PDS5B: variants seen among roughly 807,000 people sequenced by gnomAD.
PDS5B encodes PDS5 cohesin associated factor B, also known as sister chromatid cohesion protein PDS5 homolog B.
Under a neutral mutation model 184.1 loss-of-function variants are expected in PDS5B, and 51 were observed. The observed-to-expected ratio is 0.28, with a 90% CI of 0.22 to 0.35. The LOEUF is 0.35. PDS5B is among the 10% of genes least tolerant of loss of function. The probability of loss-of-function intolerance (pLI) is 1.00; values close to 1 mark genes in which losing one functional copy is unlikely to be tolerated. For synonymous variants in PDS5B, 566 were observed against 569.2 expected, an observed-to-expected ratio of 0.99 and a Z score of 0.08; for missense variants, 1,180 against 1,723.3, an observed-to-expected ratio of 0.68 and a Z score of 5.58.
chr13:32,741,191 A>T (rs373938579), intron 22 of PDS5B, 43 bp downstream of exon 22: 2 of 1,001,240 alleles, frequency 2.0e-6, no homozygotes, highest in African/African-American at 3.3e-5. Context: ...TATAATCACC[A>T]CATTGTAATA....
chr13:32,765,467 C>CT (rs1954554229), intron 31 of PDS5B, among the ~76,000 whole-genome samples: 2 of 152,224 alleles, frequency 1.3e-5, no homozygotes, highest in African/African-American at 4.8e-5. Flanking sequence ...ATTACTTTTA[C>CT]TTTCTCTAAA....
At chr13:32,753,103 G>C (rs1466470418) in intron 24 of PDS5B, among the ~76,000 whole-genome samples, 1 of 152,102 alleles carries the variant, frequency 6.6e-6, no homozygotes, top group Admixed American at 6.6e-5. Context: ...TGTTTTAAAA[G>C]TATGTTTGTT....
At position 32,644,983 on chromosome 13, in the gene PDS5B, G is replaced by A. The variant is rs563321816; in HGVS notation, c.-19-3771G>A. ...GCATTTATGATTAAGATTTGTCTGTGATTTATTTTCTCTGATTGTTCTTTT... is the reference window on the plus strand; with the variant it reads ...GCATTTATGATTAAGATTTGTCTGTAATTTATTTTCTCTGATTGTTCTTTT... On this transcript the variant is annotated intron_variant, in intron 1 of 34. Coordinates refer to ENST00000315596, the MANE Select transcript of PDS5B (RefSeq NM_015032.4). Among the ~76,000 whole-genome samples the A allele has an allele frequency of 3.2e-4, 48 of 152,166 alleles. 2 individuals are homozygous for A. In the South Asian group the frequency reaches 9.5e-3, roughly 30 times the overall value.
At chr13:32,665,627 C>G (rs1008011173) in intron 6 of PDS5B, among the ~76,000 whole-genome samples, 3 of 118,618 alleles carry the variant, frequency 2.5e-5, no homozygotes, top group Non-Finnish European at 5.5e-5. Flanking sequence ...AAATAAACAT[C>G]TTTACAACCT....
At chr13:32,743,956 A>G (rs1037087513) in intron 23 of PDS5B, among the ~76,000 whole-genome samples, 1 of 152,100 alleles carries the variant, frequency 6.6e-6, no homozygotes, top group African/African-American at 2.4e-5. Context: ...GTGTTAATAC[A>G]TTTGGCCTTA....
At chr13:32,716,104 T>G in intron 19 of PDS5B, among the ~76,000 whole-genome samples, 1 of 151,180 alleles carries the variant, frequency 6.6e-6, no homozygotes, top group African/African-American at 2.4e-5. Flanking sequence ...GTGAGGAGCG[T>G]CTCTGCCTGG....
chr13:32,592,412 C>T (rs531707348), intron 1 of PDS5B, among the ~76,000 whole-genome samples: 3 of 152,158 alleles, frequency 2.0e-5, no homozygotes, highest in South Asian at 2.1e-4. Context: ...CACGCCACCA[C>T]GTCTGGCTAA....
In PDS5B at chr13:32,776,555, A is replaced by T. The variant is rs1846648624; in HGVS notation, c.*1503A>T. On this transcript the variant is annotated 3_prime_UTR_variant, in exon 35 of 35. Coordinates refer to ENST00000315596, the MANE Select transcript of PDS5B (RefSeq NM_015032.4). Reference sequence around the variant, plus strand: ...CTTAATGCTTACCTAATTTCATTTTAGTATTTTAGGTGCTGTTATGTTTTT... The same window carrying T: ...CTTAATGCTTACCTAATTTCATTTTTGTATTTTAGGTGCTGTTATGTTTTT... The T allele has an allele frequency of 6.6e-6, 1 of 152,048 alleles. No individual in the cohort carries two copies. The highest frequency in any genetic ancestry group is 2.1e-4 in the South Asian group (1 of 4,834). The allele number at this position is 152,048 out of a possible 1,614,324, so 9.4% of individuals were successfully genotyped here.
intron 1 of PDS5B, among the ~76,000 whole-genome samples, chr13:32,590,548 AG>A (rs1192578437): frequency 6.6e-6 from 1 of 152,156 alleles, no homozygotes; most frequent in Non-Finnish European, 1.5e-5. Context: ...AAATTAGCCA[AG>A]ATTAGATCCC....
intron 30 of PDS5B, 114 bp downstream of exon 30, chr13:32,760,834 C>T (rs577217876): frequency 4.5e-5 from 45 of 1,005,748 alleles, no homozygotes; most frequent in Non-Finnish European, 6.0e-5. Context: ...TAATGTATTA[C>T]TTAATTTTTC....
intron 3 of PDS5B, among the ~76,000 whole-genome samples, chr13:32,653,830 A>G: frequency 6.6e-6 from 1 of 152,194 alleles, no homozygotes; most frequent in East Asian, 1.9e-4. Flanking sequence ...CCCGTACTAG[A>G]TGTCTTGTTG....
chr13:32,680,905 C>G (rs1270522051), intron 10 of PDS5B, among the ~76,000 whole-genome samples: 3 of 151,872 alleles, frequency 2.0e-5, no homozygotes, highest in Non-Finnish European at 4.4e-5. Flanking sequence ...AAAACCAGAC[C>G]CCTGCTTTTT....
intron 1 of PDS5B, among the ~76,000 whole-genome samples, chr13:32,600,030 C>T (rs575740990): frequency 1.3e-5 from 2 of 152,196 alleles, no homozygotes; most frequent in African/African-American, 2.4e-5. Flanking sequence ...ATTTTTTTCT[C>T]TGTTTTTCAG....
chr13:32,686,305 A>C (rs1470866058), intron 11 of PDS5B, among the ~76,000 whole-genome samples: 4 of 152,258 alleles, frequency 2.6e-5, no homozygotes, highest in African/African-American at 9.6e-5. Context: ...CCAGATGTAC[A>C]GAATGGACCA....
chr13:32,723,674 A>G (rs1014654473), intron 19 of PDS5B, among the ~76,000 whole-genome samples: 1 of 152,224 alleles, frequency 6.6e-6, no homozygotes, highest in African/African-American at 2.4e-5. Flanking sequence ...TAGTGTGAAC[A>G]ATAATTTTTC....
At chr13:32,588,005 A>G (rs1478904908) in intron 1 of PDS5B, among the ~76,000 whole-genome samples, 1 of 152,180 alleles carries the variant, frequency 6.6e-6, no homozygotes, top group Non-Finnish European at 1.5e-5. Flanking sequence ...CAGTATAGTC[A>G]TTGTTCTCAG....
intron 23 of PDS5B, among the ~76,000 whole-genome samples, chr13:32,745,435 G>T (rs1361609686): frequency 6.6e-6 from 1 of 152,194 alleles, no homozygotes; most frequent in Non-Finnish European, 1.5e-5. Flanking sequence ...ATGTTTAAAA[G>T]AAGAATTTTG....
chr13:32,623,389 A>G (rs1057150620), intron 1 of PDS5B, among the ~76,000 whole-genome samples: 5 of 152,186 alleles, frequency 3.3e-5, no homozygotes, highest in African/African-American at 1.2e-4. Flanking sequence ...TGAGGCCCCT[A>G]CCATAATTCT....
chr13:32,677,570 C>T (rs770907575), intron 9 of PDS5B, among the ~76,000 whole-genome samples: 3 of 151,904 alleles, frequency 2.0e-5, no homozygotes, highest in African/African-American at 2.4e-5. Context: ...GAAATGATAA[C>T]GTATATAGGA....
Sources: gnomAD v4.1 joint callset for allele counts (sites outside exome capture counted in the v4.1 genomes callset) on GRCh38, gnomAD v4.1.1 for gene constraint, MANE v1.5 for transcripts, NCBI Gene and HGNC (gene_info 2026-07-23, HGNC 2026-07-21) for gene names.